Variants in S100A13 observed in about 807,000 individuals in gnomAD.
The protein encoded by S100A13 is protein S100-A13.
Under a neutral mutation model 8.2 loss-of-function variants are expected in S100A13, and 6 were observed. The ratio of observed to expected loss-of-function variants is 0.73; its 90% CI spans 0.40 to 1.44. S100A13 has a LOEUF of 1.44. S100A13 is among the 40% of genes most tolerant of loss of function. The pLI is 0.02. For synonymous variants in S100A13, 39 were observed against 45.9 expected (o/e 0.85, Z 0.61); for missense variants, 114 against 113.6 (o/e 1.00, Z -0.02).
intron 2 of S100A13, among the ~76,000 whole-genome samples, chr1:153,619,867 T>A (rs530032083): frequency 2.0e-5 from 3 of 152,222 alleles, no homozygotes; most frequent in Non-Finnish European, 2.9e-5. Context: ...AAAGACTTTT[T>A]TTTAAGTTAC....
chr1:153,632,495 T>C (rs545435755), upstream of S100A13, among the ~76,000 whole-genome samples: 1 of 151,836 alleles, frequency 6.6e-6, no homozygotes, highest in Admixed American at 6.6e-5. Flanking sequence ...ATGGTCTCGA[T>C]CTCCTGACCT....
At chr1:153,619,131 C>T in intron 2 of S100A13, 93 bp from the exon 3 acceptor site, 3 of 1,196,766 alleles carry the variant, frequency 2.5e-6, no homozygotes, top group South Asian at 1.4e-5. Context: ...TCTCTCAAGG[C>T]CCTTCCCTCA....
At chr1:153,621,281 C>T (rs61083533) in intron 2 of S100A13, among the ~76,000 whole-genome samples, 3,446 of 151,560 alleles carry the variant, frequency 0.023, 120 homozygotes, top group African/African-American at 0.079. Context: ...CTCAGCCTCC[C>T]GAGGAGCTGG....
At chr1:153,633,636 C>T (rs199540015), upstream of S100A13, among the ~76,000 whole-genome samples, 2 of 152,292 alleles carry the variant, frequency 1.3e-5, no homozygotes, top group East Asian at 3.9e-4. Flanking sequence ...CGGCACTTCA[C>T]AACTCTCAGA....
chr1:153,631,093 A>G (rs918601038), upstream of S100A13: 1 of 297,320 alleles, frequency 3.4e-6, no homozygotes, highest in Admixed American at 4.7e-5. Context: ...GTAAATGCAG[A>G]CATTTTAGGA....
At chr1:153,620,843 A>T (rs1403691058) in intron 2 of S100A13, among the ~76,000 whole-genome samples, 1 of 152,128 alleles carries the variant, frequency 6.6e-6, no homozygotes, top group Non-Finnish European at 1.5e-5. Flanking sequence ...AGGTGAGAGG[A>T]TCGCTTGAGC....
upstream of S100A13, among the ~76,000 whole-genome samples, chr1:153,633,449 C>A (rs61805739): frequency 2.0e-5 from 3 of 148,934 alleles, no homozygotes; most frequent in Non-Finnish European, 4.4e-5. Flanking sequence ...GACATGGAAA[C>A]GCAATCGAGG....
At chr1:153,628,202 C>T (rs1234865036), upstream of S100A13, 1 of 1,549,426 alleles carries the variant, frequency 6.5e-7, no homozygotes, top group Non-Finnish European at 8.7e-7. Flanking sequence ...CCAGGACCTC[C>T]TTCCCACCTC....
At chr1:153,631,323 T>G (rs1345743583), upstream of S100A13, 1 of 818,578 alleles carries the variant, frequency 1.2e-6, no homozygotes, top group African/African-American at 1.7e-5. Flanking sequence ...CTGTGGGACT[T>G]TGGGCATATT....
chr1:153,628,375 G>C, upstream of S100A13: 1 of 1,546,912 alleles, frequency 6.5e-7, no homozygotes, highest in South Asian at 1.2e-5. Context: ...GGGTGGAGTC[G>C]GTGGGGGGGT....
At chr1:153,619,526 G>T (rs923179180) in intron 2 of S100A13, among the ~76,000 whole-genome samples, 4 of 152,192 alleles carry the variant, frequency 2.6e-5, no homozygotes, top group African/African-American at 4.8e-5. Context: ...CACAACCCTT[G>T]TGTCTTTTCA....
intron 2 of S100A13, among the ~76,000 whole-genome samples, chr1:153,624,904 G>A (rs559492885): frequency 6.6e-6 from 1 of 152,044 alleles, no homozygotes; most frequent in Non-Finnish European, 1.5e-5. Flanking sequence ...GTGAAACCCC[G>A]TCTCTACTAA....
intron 2 of S100A13, 42 bp from the exon 3 acceptor site, chr1:153,619,080 GTTC>G (rs762328699): frequency 6.3e-7 from 1 of 1,584,586 alleles, no homozygotes; most frequent in Admixed American, 1.7e-5. Flanking sequence ...AGAAACTGGG[GTTC>G]TTGAGAAAGT....
chr1:153,623,752 A>G (rs537746163), intron 2 of S100A13, among the ~76,000 whole-genome samples: 1 of 152,300 alleles, frequency 6.6e-6, no homozygotes, highest in East Asian at 1.9e-4. Context: ...GAAACACAGA[A>G]CCGCCAGGTA....
At chr1:153,630,573 G>A (rs751778242), upstream of S100A13, 34 of 1,614,120 alleles carry the variant, frequency 2.1e-5, no homozygotes, top group Admixed American at 5.0e-5. Flanking sequence ...CGTGTTCCAC[G>A]CCCACTCGGG....
upstream of S100A13, chr1:153,630,662 T>C (rs1667959319): frequency 6.2e-7 from 1 of 1,614,036 alleles, no homozygotes. Flanking sequence ...GCTTCCTGGA[T>C]GTGAGCATAG....
chr1:153,624,101 G>A (rs1667449536), intron 2 of S100A13, among the ~76,000 whole-genome samples: 1 of 152,238 alleles, frequency 6.6e-6, no homozygotes, highest in Non-Finnish European at 1.5e-5. Flanking sequence ...TGCTGAAGTG[G>A]AGAAGCTAGA....
chr1:153,620,057 T>C (rs9330300), intron 2 of S100A13, among the ~76,000 whole-genome samples: 92,282 of 151,842 alleles, frequency 0.61, 28,695 homozygotes, highest in African/African-American at 0.73. Context: ...GAGGCTGAGG[T>C]GGGCGGATCA....
chr1:153,633,901 T>TGG (rs1668185084), upstream of S100A13: 1 of 151,386 alleles, frequency 6.6e-6, no homozygotes, highest in African/African-American at 2.5e-5. Context: ...GCCACGCCCC[T>TGG]AGGGGCGGGG....
Sources: gnomAD v4.1 joint callset for allele counts (sites outside exome capture counted in the v4.1 genomes callset) on GRCh38, gnomAD v4.1.1 for gene constraint, MANE v1.5 for transcripts, NCBI Gene and HGNC (gene_info 2026-07-23, HGNC 2026-07-21) for gene names.